The following DNAJB1 variants were observed in gnomAD, a reference collection of about 807,000 sequenced individuals.
DNAJB1 encodes the protein DnaJ heat shock protein family (Hsp40) member B1, also known as dnaJ homolog subfamily B member 1.
A neutral mutation model predicts 24.0 loss-of-function variants in DNAJB1; 14 were observed. The observed-to-expected ratio is 0.58, with a 90% CI of 0.39 to 0.91. The LOEUF (loss-of-function observed/expected upper bound fraction) is 0.91. Among genes scored for constraint, DNAJB1 ranks in the 40% least tolerant of loss-of-function variants. The pLI is 0.00. For missense variants in DNAJB1, 517 were observed against 458.1 expected, an observed-to-expected ratio of 1.13 and a Z score of -1.17; for synonymous variants, 262 against 174.4, an observed-to-expected ratio of 1.50 and a Z score of -3.96.
chr19:14,553,831 C>T (rs892087080), upstream of DNAJB1, among the ~76,000 whole-genome samples: 2 of 152,106 alleles, frequency 1.3e-5, no homozygotes, highest in Admixed American at 6.5e-5. Flanking sequence ...CGCTTGTGCC[C>T]GGCGCGGGGA....
At chr19:14,555,977 G>A (rs1452395335) in intron 1 of DNAJB1, among the ~76,000 whole-genome samples, 1 of 152,090 alleles carries the variant, frequency 6.6e-6, no homozygotes, top group Admixed American at 6.6e-5. Context: ...AGCAGGTAAA[G>A]CTGGGGAAGC....
rs749934387 is a variant in DNAJB1, at chr19:14,516,038, C to T, written c.925G>A (p.Glu309Lys). 1.9e-6 allele frequency: 3 copies of T among 1,613,022 alleles called. No individual in the cohort carries two copies. The highest frequency in any genetic ancestry group is 1.7e-5 in the Admixed American group (1 of 59,584). ...GEGLPLPKTPEKRGDLIIEFE... is the reference protein window; with the variant it reads ...GEGLPLPKTPKKRGDLIIEFE... ...TCAATAATGAGGTCCCCACGTTTCT[C>T]GGGTGTTTTGGGGAGGGGGAGGCCT... Residue 309 changes from glutamate (E) to lysine (K), a missense_variant, in exon 3 of 3, where the codon GAG becomes AAG. Coordinates refer to ENST00000254322, the MANE Select transcript of DNAJB1 (RefSeq NM_006145.3).
chr19:14,537,293 G>T (rs1408723559), intron 1 of DNAJB1, among the ~76,000 whole-genome samples: 5 of 149,506 alleles, frequency 3.3e-5, no homozygotes, highest in Non-Finnish European at 5.9e-5. Context: ...GGACCAGGGA[G>T]GGGGAGGCGG....
At chr19:14,534,375 C>T (rs1477910192), upstream of DNAJB1, among the ~76,000 whole-genome samples, 2 of 148,534 alleles carry the variant, frequency 1.3e-5, no homozygotes, top group African/African-American at 5.0e-5. Context: ...CCGCCCGCCT[C>T]GGCCTCCCAG....
chr19:14,529,901 A>C (rs1012227702), upstream of DNAJB1: 53 of 790,354 alleles, frequency 6.7e-5, 1 homozygote, highest in East Asian at 1.9e-4. Flanking sequence ...GGAAGTATTT[A>C]TAAATCTGCA....
chr19:14,526,766 C>G (rs954406098), intron 2 of DNAJB1, among the ~76,000 whole-genome samples: 12 of 152,182 alleles, frequency 7.9e-5, no homozygotes, highest in Non-Finnish European at 1.6e-4. Context: ...ATGGAAGACT[C>G]ACCTCTTCAG....
chr19:14,518,007 G>A, intron 1 of DNAJB1, 132 bp downstream of exon 1: 1 of 1,015,648 alleles, frequency 9.8e-7, no homozygotes. Context: ...AGGCCCGCGA[G>A]GCCGGAGGGC....
At chr19:14,525,333 GTT>G (rs71166751) in intron 2 of DNAJB1, among the ~76,000 whole-genome samples, 4 of 147,522 alleles carry the variant, frequency 2.7e-5, no homozygotes, top group Non-Finnish European at 4.5e-5. Flanking sequence ...TACTTTTTTT[GTT>G]TTTTTTTTTG....
At chr19:14,556,434 C>A (rs12462490) in intron 1 of DNAJB1, among the ~76,000 whole-genome samples, 3,812 of 128,608 alleles carry the variant, frequency 0.03, 92 homozygotes, top group African/African-American at 0.081. Context: ...ACAAAAAAAA[C>A]CACATTGTGA....
At chr19:14,519,539 C>T (rs1354129363), upstream of DNAJB1, among the ~76,000 whole-genome samples, 2 of 152,270 alleles carry the variant, frequency 1.3e-5, no homozygotes, top group East Asian at 1.9e-4. Context: ...CTCCCAGTCC[C>T]GCCTTCTTCC....
At chr19:14,532,512 C>CAAAAAA (rs748457923), upstream of DNAJB1, 2 of 73,700 alleles carry the variant, frequency 2.7e-5, no homozygotes, top group Non-Finnish European at 5.1e-5. Flanking sequence ...GAGTCTGTCT[C>CAAAAAA]AAAAAAAAAA....
At chr19:14,526,019 C>T (rs181741979) in intron 2 of DNAJB1, among the ~76,000 whole-genome samples, 17 of 152,204 alleles carry the variant, frequency 1.1e-4, no homozygotes, top group African/African-American at 3.6e-4. Flanking sequence ...AGTCAAGATC[C>T]GACCTGATCT....
chr19:14,560,106 G>A (rs1006381439), exon 1 of DNAJB1, among the ~76,000 whole-genome samples: 1 of 152,180 alleles, frequency 6.6e-6, no homozygotes, highest in African/African-American at 2.4e-5. Context: ...CTGTGAGCGT[G>A]GCCCCTCTCT....
At chr19:14,533,350 G>T (rs111695038), upstream of DNAJB1, among the ~76,000 whole-genome samples, 2,403 of 152,022 alleles carry the variant, frequency 0.016, 45 homozygotes, top group African/African-American at 0.052. Flanking sequence ...AACCTGGGAG[G>T]TGGAGGTTGC....
Position 14,515,420 on chromosome 19 carries a change from A to G in DNAJB1, c.*520T>C, listed in dbSNP as rs936651068. ...GCCAACCAGGCAGTTCTGCAGGAAT[A>G]GTTTAGGTTCTCAATTTGAGATGGC... is the stretch of plus-strand genomic sequence containing the variant. On this transcript the variant is annotated 3_prime_UTR_variant, in exon 3 of 3. Coordinates refer to ENST00000254322, the MANE Select transcript of DNAJB1 (RefSeq NM_006145.3). 6.5e-6 allele frequency: 1 copy of G among 154,266 alleles called. No individual in the cohort carries two copies. The highest frequency in any genetic ancestry group is 2.4e-5 in the African/African-American group (1 of 41,470). The allele number at this position is 154,266 out of a possible 1,614,324, so 9.6% of individuals were successfully genotyped here. A position where few individuals can be genotyped will look rare whatever the true frequency, so the allele number is the denominator to read the frequency against.
chr19:14,528,481 G>GC (rs921824441), intron 1 of DNAJB1, among the ~76,000 whole-genome samples: 14 of 151,780 alleles, frequency 9.2e-5, no homozygotes, highest in South Asian at 2.1e-4. Context: ...CTCGTGATCT[G>GC]CCCCCCTCGG....
rs78523337 is a variant in DNAJB1, at chr19:14,560,180, G to A, written c.-2315C>T. 4.0e-3 allele frequency among the ~76,000 whole-genome samples: 613 copies of A among 152,320 alleles called. 7 individuals are homozygous for A. In the East Asian group the frequency reaches 0.042, roughly 10 times the overall value. ...GCAGCTAGCCGGGACCCCGATGGCCGTACTCTCCCTCTTGGGCCCTGGTTT... is the reference window on the plus strand; with the variant it reads ...GCAGCTAGCCGGGACCCCGATGGCCATACTCTCCCTCTTGGGCCCTGGTTT... On this transcript the variant is annotated 5_prime_UTR_variant, in exon 1 of 6. Coordinates refer to the DNAJB1 transcript ENST00000679223.
intron 1 of DNAJB1, among the ~76,000 whole-genome samples, chr19:14,539,140 ATTTTTTTT>A (rs57801378): frequency 6.5e-5 from 6 of 92,544 alleles, no homozygotes; most frequent in East Asian, 5.9e-4. Flanking sequence ...CGCCCGGCTA[ATTTTTTTT>A]TTTTTTTTTT....
intron 1 of DNAJB1, among the ~76,000 whole-genome samples, chr19:14,556,413 A>AAAAAAAAAAAACAAAAAC (rs142293376): frequency 1.2e-5 from 1 of 86,514 alleles, no homozygotes; most frequent in African/African-American, 3.1e-5. Flanking sequence ...TCTCTCAAAA[A>AAAAAAAAAAAACAAAAAC]AAAAACAAAA....
Sources: allele counts gnomAD v4.1 joint callset (sites outside exome capture counted in the v4.1 genomes callset), GRCh38; gene constraint gnomAD v4.1.1; transcripts MANE v1.5; gene names NCBI Gene and HGNC (gene_info 2026-07-23, HGNC 2026-07-21).